MICAL2: variants seen among roughly 807,000 people sequenced by gnomAD.
MICAL2 encodes the protein microtubule associated monooxygenase, calponin and LIM domain containing 2, also known as [F-actin]-monooxygenase MICAL2.
A neutral mutation model predicts 127.3 loss-of-function variants in MICAL2; 77 were observed. The ratio of observed to expected loss-of-function variants is 0.60; its 90% CI spans 0.50 to 0.73. The LOEUF is 0.73. Ranked by LOEUF, MICAL2 falls within the 30% of genes least tolerant of loss-of-function variation. The pLI, the probability that MICAL2 is intolerant of heterozygous loss-of-function variation, is 0.00. For synonymous variants in MICAL2, 570 were observed against 551.1 expected, an observed-to-expected ratio of 1.03 and a Z score of -0.48; for missense variants, 1,351 against 1,434.4, an observed-to-expected ratio of 0.94 and a Z score of 0.94.
At chr11:12,201,503 G>A (rs1340212452) in intron 3 of MICAL2, among the ~76,000 whole-genome samples, 1 of 151,670 alleles carries the variant, frequency 6.6e-6, no homozygotes, top group Non-Finnish European at 1.5e-5. Context: ...CTTGCCTGAC[G>A]CCTTGCTGGG....
chr11:12,269,189 T>C (rs757767160), intron 24 of MICAL2, among the ~76,000 whole-genome samples: 2 of 152,182 alleles, frequency 1.3e-5, no homozygotes, highest in Non-Finnish European at 2.9e-5. Context: ...GGCCAGGTTC[T>C]GAACAGGAGG....
chr11:12,319,712 C>T lies in MICAL2; in HGVS notation c.5229C>T (p.Pro1743=), dbSNP rs368727680. The T allele has an allele frequency of 1.4e-5, 22 of 1,613,600 alleles. No individual in the cohort carries two copies. The African/African-American group carries it at 1.9e-4, about 14-fold the overall frequency. Residue 1743 remains proline, a synonymous_variant, in exon 30 of 35, where the codon CCC becomes CCT. Coordinates refer to the MICAL2 transcript ENST00000646065. ...CCATTTCAGACTCCAAGAACTTTCC[C>T]CTCAGAGCACAGGTAACAGAGGCTT... is the stretch of plus-strand genomic sequence containing the variant.
At chr11:12,358,562 C>G (rs1939164222), downstream of MICAL2, 1 of 1,332,400 alleles carries the variant, frequency 7.5e-7, no homozygotes, top group African/African-American at 1.6e-5. Context: ...GGTCTTTCTG[C>G]AGGATTTATC....
In MICAL2 at chr11:12,213,321, A is replaced by G. The variant is rs1855750863; in HGVS notation, c.758A>G (p.Asn253Ser). The G allele has an allele frequency of 6.2e-7, 1 of 1,613,800 alleles. No individual in the cohort carries two copies. The highest frequency in any genetic ancestry group is 8.5e-7 in the Non-Finnish European group (1 of 1,179,772). The change falls in exon 7 of 28, where the codon AAC becomes AGC. Residue 253 changes from asparagine (N) to serine (S), a missense_variant. Coordinates refer to ENST00000683283, the MANE Select transcript of MICAL2 (RefSeq NM_001282663.2). ...IAITANFINRNSTAEAKVEEI... is the reference protein window; with the variant it reads ...IAITANFINRSSTAEAKVEEI... ...ATCACCGCCAACTTCATAAACAGAA[A>G]CAGCACAGCGGAAGCCAAGGTGGAA...
In MICAL2 at chr11:12,112,803, CAGCTTTTA is replaced by C. The variant is rs538258121; in HGVS notation, c.-149+2080_-149+2087del. ...CAATCCATTATACTTTAGTATAAAT[CAGCTTTTA>C]AGAACTATGCCTGGTTGTGGCTGTG... On this transcript the variant is annotated intron_variant, in intron 1 of 27. Coordinates refer to ENST00000683283, the MANE Select transcript of MICAL2 (RefSeq NM_001282663.2). Among the ~76,000 whole-genome samples, 694 of 152,162 alleles carry C rather than the reference CAGCTTTTA, an allele frequency of 4.6e-3. 1 individual carries two copies. The highest frequency in any genetic ancestry group is 0.016 in the African/African-American group (657 of 41,506).
At chr11:12,180,631 G>A (rs1857340814) in intron 3 of MICAL2, among the ~76,000 whole-genome samples, 1 of 152,086 alleles carries the variant, frequency 6.6e-6, no homozygotes, top group Non-Finnish European at 1.5e-5. Context: ...ATAACTCTGT[G>A]GGGTAATAAG....
chr11:12,351,682 G>A (rs747428249), intron 33 of MICAL2, among the ~76,000 whole-genome samples: 3 of 152,138 alleles, frequency 2.0e-5, no homozygotes, highest in Non-Finnish European at 4.4e-5. Flanking sequence ...GGTAGGGTTG[G>A]GAGAGGTGGC....
intron 26 of MICAL2, chr11:12,260,150 G>A: frequency 1.3e-6 from 2 of 1,526,724 alleles, no homozygotes; most frequent in South Asian, 1.2e-5. Flanking sequence ...GTGCTCAGGT[G>A]CTTCCCAGTC....
At position 12,260,140 on chromosome 11, in the gene MICAL2, G is replaced by T. The variant is rs1215240597; in HGVS notation, c.3334+243G>T. On this transcript the variant is annotated intron_variant, in intron 26 of 27. Transcript: ENST00000683283. ...CTCCCTCGAGAGCATCTGCAACTGG[G>T]TGCTCAGGTGCTTCCCAGTCAAGCT... 3.3e-6 allele frequency: 5 copies of T among 1,529,912 alleles called. No individual in the cohort carries two copies. The Admixed American group carries it at 7.9e-5, about 24-fold the overall frequency. 94.8% of individuals were successfully genotyped at this position (1,529,912 alleles called of 1,614,324 possible).
At position 12,208,048 on chromosome 11, in the gene MICAL2, A is replaced by G; in HGVS notation, c.498A>G (p.Leu166=). 2.5e-6 allele frequency: 4 copies of G among 1,614,156 alleles called. No homozygotes were observed. Among genetic ancestry groups the G allele is most frequent in the Non-Finnish European group, 3.4e-6 (4 of 1,180,000 alleles). ...GTATTCGCCAACTACAGCTCATCCT[A>G]TTCAAGGTGGCCCTGATGCTGGGAG... ...HISIRQLQLI[L]FKVALMLGVE... Residue 166 remains leucine (L), a synonymous_variant, in exon 5 of 28, where the codon CTA becomes CTG. Coordinates refer to ENST00000683283, the MANE Select transcript of MICAL2 (RefSeq NM_001282663.2).
intron 2 of MICAL2, among the ~76,000 whole-genome samples, chr11:12,149,558 C>T (rs1853343467): frequency 6.6e-6 from 1 of 151,968 alleles, no homozygotes; most frequent in Non-Finnish European, 1.5e-5. Context: ...GGATGGGAGG[C>T]AGTAAATAGG....
At chr11:12,142,088 TG>T (rs1852405693) in intron 2 of MICAL2, among the ~76,000 whole-genome samples, 4 of 152,194 alleles carry the variant, frequency 2.6e-5, no homozygotes. Flanking sequence ...TCCCAGCAAG[TG>T]GCTCTCTCTG....
At position 12,258,513 on chromosome 11, in the gene MICAL2, G is replaced by A. The variant is rs1862639132; in HGVS notation, c.3188G>A (p.Ser1063Asn). 1.9e-6 allele frequency: 3 copies of A among 1,614,054 alleles called. No homozygotes were observed. Among genetic ancestry groups the A allele is most frequent in the East Asian group, 4.5e-5 (2 of 44,906 alleles). The change falls in exon 25 of 28, where the codon AGC (serine) becomes AAC (asparagine). Residue 1063 changes from serine (S) to asparagine (N), a missense_variant. Transcript: ENST00000683283. ...KPHFIHCKTN[S>N]KQRKRRAELK... Reference sequence around the variant, plus strand: ...CACTTCATTCACTGTAAAACCAATAGCAAACAACGGAAGAGACGGGCAGAG... The same window carrying A: ...CACTTCATTCACTGTAAAACCAATAACAAACAACGGAAGAGACGGGCAGAG...
intron 32 of MICAL2, among the ~76,000 whole-genome samples, chr11:12,343,137 G>A (rs187093650): frequency 1.1e-3 from 166 of 152,274 alleles, no homozygotes; most frequent in African/African-American, 3.8e-3. Context: ...GCTGGGCGCC[G>A]TGGCTCACAC....
At chr11:12,126,220 T>G (rs963398478) in intron 1 of MICAL2, among the ~76,000 whole-genome samples, 1 of 152,236 alleles carries the variant, frequency 6.6e-6, no homozygotes. Context: ...GAGCCTCATG[T>G]TGGTTTTCTG....
chr11:12,285,847 C>T (rs1863820447), intron 2 of MICAL2, among the ~76,000 whole-genome samples: 1 of 152,178 alleles, frequency 6.6e-6, no homozygotes, highest in Admixed American at 6.5e-5. Context: ...GTCCTGGATT[C>T]AGACCCTCCC....
intron 14 of MICAL2, among the ~76,000 whole-genome samples, chr11:12,226,757 A>G (rs987952394): frequency 6.9e-6 from 1 of 145,746 alleles, no homozygotes; most frequent in Admixed American, 7.1e-5. Context: ...GGTTCACGCC[A>G]TTCTCCTGCC....
At chr11:12,320,113 C>G (rs146421051) in intron 30 of MICAL2, among the ~76,000 whole-genome samples, 186 of 152,176 alleles carry the variant, frequency 1.2e-3, no homozygotes, top group African/African-American at 4.2e-3. Context: ...AACAAGCAAA[C>G]CATCGAAAAC....
At chr11:12,122,534 G>T (rs551541609) in intron 1 of MICAL2, among the ~76,000 whole-genome samples, 1 of 152,064 alleles carries the variant, frequency 6.6e-6, no homozygotes, top group Non-Finnish European at 1.5e-5. Context: ...TCAGCCTCCC[G>T]AGTAGCTGGG....
Sources: gnomAD v4.1 joint callset for allele counts (sites outside exome capture counted in the v4.1 genomes callset) on GRCh38, gnomAD v4.1.1 for gene constraint, MANE v1.5 for transcripts, NCBI Gene and HGNC (gene_info 2026-07-23, HGNC 2026-07-21) for gene names.